Variants in CDH20 observed in about 807,000 individuals in gnomAD.
CDH20 encodes cadherin-20.
CDH20 carries 29 observed loss-of-function variants against 74.2 expected under a neutral mutation model. That is an observed-to-expected ratio of 0.39 (90% CI 0.29 to 0.53). The LOEUF (loss-of-function observed/expected upper bound fraction) is 0.53. Among genes scored for constraint, CDH20 ranks in the 20% least tolerant of loss-of-function variants. The pLI is 0.69. For synonymous variants in CDH20, 469 were observed against 405.4 expected (o/e 1.16, Z -1.88); for missense variants, 988 against 1,048.3 (o/e 0.94, Z 0.79).
chr18:61,458,444 T>C lies in CDH20; in HGVS notation c.-152-31958T>C, dbSNP rs149680635. Among the ~76,000 whole-genome samples the C allele has an allele frequency of 2.6e-3, 403 of 152,200 alleles. 2 individuals carry two copies. The highest frequency in any genetic ancestry group is 9.2e-3 in the African/African-American group (380 of 41,518). On this transcript the variant is annotated intron_variant, in intron 1 of 11. Transcript: ENST00000262717. Reference sequence around the variant, plus strand: ...CATCAAAAAGGCATCTTGGAAAATATCTCTTCCCACACGAGACCACCACAG... The same window carrying C: ...CATCAAAAAGGCATCTTGGAAAATACCTCTTCCCACACGAGACCACCACAG...
chr18:61,484,433 G>C (rs1910687809), intron 1 of CDH20, among the ~76,000 whole-genome samples: 1 of 152,090 alleles, frequency 6.6e-6, no homozygotes, highest in East Asian at 1.9e-4. Flanking sequence ...TGGGTGAAAG[G>C]ATCAGTAACA....
chr18:61,504,309 T>C (rs1448148853), intron 5 of CDH20, among the ~76,000 whole-genome samples: 1 of 151,836 alleles, frequency 6.6e-6, no homozygotes, highest in African/African-American at 2.4e-5. Flanking sequence ...GCAGGATGAG[T>C]GGAATGGGAC....
intron 1 of CDH20, among the ~76,000 whole-genome samples, chr18:61,391,056 G>T (rs534519744): frequency 2.6e-5 from 4 of 151,928 alleles, no homozygotes; most frequent in African/African-American, 9.7e-5. Context: ...ATTAAAAGGC[G>T]AACAAAAATC....
chr18:61,483,969 C>T (rs950005823), intron 1 of CDH20, among the ~76,000 whole-genome samples: 5 of 152,094 alleles, frequency 3.3e-5, no homozygotes, highest in African/African-American at 7.3e-5. Flanking sequence ...TTAAGTCTTA[C>T]GTTTAGGTAG....
chr18:61,528,247 T>C (rs762992583), intron 7 of CDH20, 27 bp downstream of exon 7: 1 of 1,608,480 alleles, frequency 6.2e-7, no homozygotes, highest in Non-Finnish European at 8.5e-7. Context: ...CACCTTTTCC[T>C]TATATGCTGG....
At chr18:61,423,623 T>C (rs1912968127) in intron 1 of CDH20, among the ~76,000 whole-genome samples, 1 of 152,078 alleles carries the variant, frequency 6.6e-6, no homozygotes, top group Non-Finnish European at 1.5e-5. Flanking sequence ...TTTTATAACA[T>C]CTAGCAGTAA....
Position 61,416,286 on chromosome 18 carries a change from C to T in CDH20, c.-152-74116C>T, listed in dbSNP as rs75449710. Among the ~76,000 whole-genome samples, 801 of 152,208 alleles carry T rather than the reference C, an allele frequency of 5.3e-3. 4 individuals carry two copies. The highest frequency in any genetic ancestry group is 0.018 in the African/African-American group (750 of 41,522). The stretch of plus-strand genomic sequence containing the variant: ...AGATCCAATGGGCCTTAATGGCATA[C>T]CAATGACATGGATTTATTTTAGTGC... On this transcript the variant is annotated intron_variant, in intron 1 of 11. Coordinates refer to ENST00000262717, the MANE Select transcript of CDH20 (RefSeq NM_031891.4).
chr18:61,486,230 T>A (rs951285343), intron 1 of CDH20, among the ~76,000 whole-genome samples: 5 of 152,200 alleles, frequency 3.3e-5, no homozygotes, highest in African/African-American at 1.2e-4. Context: ...ATCCACCCTG[T>A]CCAAGACAGA....
chr18:61,496,281 CCCT>C (rs1911156939), intron 2 of CDH20, among the ~76,000 whole-genome samples: 2 of 133,860 alleles, frequency 1.5e-5, no homozygotes, highest in African/African-American at 2.9e-5. Context: ...CCTTTCCCTT[CCCT>C]CCTTTCTCTC....
rs35923922 is a variant in CDH20 at position 61,528,061 on chromosome 18, A to G, written c.1112A>G (p.Gln371Arg). 2,092 of 1,614,164 alleles carry G rather than the reference A, an allele frequency of 1.3e-3. 33 individuals carry two copies. In the African/African-American group the frequency reaches 0.022, roughly 17 times the overall value. Residue 371 changes from glutamine to arginine, a missense_variant, in exon 7 of 12, where the codon CAG becomes CGG. This residue lies in a region of CDH20 where 613 missense variants were observed against 755.2 expected (regional missense o/e 0.81). Transcript: ENST00000262717. ...EMRFLNLGPF[Q>R]DTTTVHISVE... The stretch of plus-strand genomic sequence containing the variant: ...CGTTTTCTGAACTTGGGCCCATTTC[A>G]GGACACAACAACAGTGCACATCAGT...
At chr18:61,482,271 G>A (rs1355042364) in intron 1 of CDH20, among the ~76,000 whole-genome samples, 1 of 152,094 alleles carries the variant, frequency 6.6e-6, no homozygotes, top group East Asian at 1.9e-4. Flanking sequence ...TTATTCCTGC[G>A]TATAAAACCA....
At chr18:61,510,333 G>C (rs1387847443) in intron 6 of CDH20, among the ~76,000 whole-genome samples, 1 of 152,110 alleles carries the variant, frequency 6.6e-6, no homozygotes, top group African/African-American at 2.4e-5. Context: ...TGTCCTGAAG[G>C]CATGAAGAAC....
chr18:61,386,137 G>C (rs1273192108), intron 1 of CDH20, among the ~76,000 whole-genome samples: 2 of 151,994 alleles, frequency 1.3e-5, no homozygotes, highest in African/African-American at 4.8e-5. Flanking sequence ...TAACTTCTCT[G>C]GTCAGAAATT....
chr18:61,554,948 G>A lies in CDH20; in HGVS notation c.*253G>A. The A allele has an allele frequency of 7.4e-7, 1 of 1,345,474 alleles. No homozygotes were observed. The highest frequency in any genetic ancestry group is 9.5e-7 in the Non-Finnish European group (1 of 1,048,986). 83.3% of individuals were successfully genotyped at this position (1,345,474 alleles called of 1,614,324 possible). On this transcript the variant is annotated 3_prime_UTR_variant, in exon 12 of 12. Coordinates refer to ENST00000262717, the MANE Select transcript of CDH20 (RefSeq NM_031891.4). ...TTCTTTTTGATTTTTCTGACACTGT[G>A]TGCGAAGGCTTGGAGTCCAAGGTGT... is the stretch of plus-strand genomic sequence containing the variant.
At chr18:61,523,450 T>C (rs1291792469) in intron 6 of CDH20, among the ~76,000 whole-genome samples, 1 of 152,120 alleles carries the variant, frequency 6.6e-6, no homozygotes, top group Non-Finnish European at 1.5e-5. Context: ...GAAATAGGAA[T>C]GCTTTTTTAC....
In CDH20 at chr18:61,334,875, A is replaced by ATT. The variant is rs35231360; in HGVS notation, c.-153+1055_-153+1056dup. The stretch of plus-strand genomic sequence containing the variant: ...GTTATTGGCACGAGCACCAGGAACA[A>ATT]TTTTTTTTCTGATTGTTATAAATCG... On this transcript the variant is annotated intron_variant, in intron 1 of 11. Coordinates refer to ENST00000262717, the MANE Select transcript of CDH20 (RefSeq NM_031891.4). Among the ~76,000 whole-genome samples, 55 of 151,710 alleles carry ATT rather than the reference A, an allele frequency of 3.6e-4. No individual in the cohort carries two copies. In the South Asian group the frequency reaches 4.4e-3, roughly 12 times the overall value.
At chr18:61,344,956 A>T (rs11152292) in intron 1 of CDH20, among the ~76,000 whole-genome samples, 55,137 of 152,052 alleles carry the variant, frequency 0.36, 10,487 homozygotes, top group Non-Finnish European at 0.43. Context: ...ACATTTCATA[A>T]AACCAAACTG....
rs1416437982 is a variant in CDH20 at position 61,375,499 on chromosome 18, G to A, written c.-153+41672G>A. On this transcript the variant is annotated intron_variant, in intron 1 of 11. Transcript: ENST00000262717. ...GAAAAACAATCCTTCGTGCTACTTCGTGCTACTTCCACCCTCCCTTCGTCC... is the reference window on the plus strand; with the variant it reads ...GAAAAACAATCCTTCGTGCTACTTCATGCTACTTCCACCCTCCCTTCGTCC... Among the ~76,000 whole-genome samples the A allele has an allele frequency of 2.6e-5, 4 of 152,084 alleles. No individual in the cohort carries two copies. The South Asian group carries it at 6.2e-4, about 24-fold the overall frequency.
chr18:61,482,229 C>T (rs1910613817), intron 1 of CDH20, among the ~76,000 whole-genome samples: 1 of 152,174 alleles, frequency 6.6e-6, no homozygotes, highest in African/African-American at 2.4e-5. Flanking sequence ...GTTCCTGCCT[C>T]TTTAAATAAT....
Sources: allele counts gnomAD v4.1 joint callset (sites outside exome capture counted in the v4.1 genomes callset), GRCh38; gene constraint gnomAD v4.1.1; regional missense constraint gnomAD v4.1.1; transcripts MANE v1.5; gene names NCBI Gene and HGNC (gene_info 2026-07-23, HGNC 2026-07-21).